The following GLRA3 variants were observed in gnomAD, a reference collection of about 807,000 sequenced individuals.
GLRA3 encodes the protein glycine receptor subunit alpha-3.
In GLRA3, 44 loss-of-function variants were observed where a neutral mutation model predicts 60.4. That is an observed-to-expected ratio of 0.73 (90% CI 0.57 to 0.94). GLRA3 has a LOEUF of 0.94. GLRA3 is among the 40% of genes least tolerant of loss of function. The probability of loss-of-function intolerance (pLI) is 0.00; values close to 1 mark genes in which losing one functional copy is unlikely to be tolerated. For missense variants in GLRA3, 508 were observed against 564.6 expected, an observed-to-expected ratio of 0.90 and a Z score of 1.02; for synonymous variants, 223 against 192.9, an observed-to-expected ratio of 1.16 and a Z score of -1.29.
At chr4:174,760,606 C>T (rs186785911) in intron 3 of GLRA3, among the ~76,000 whole-genome samples, 20 of 152,114 alleles carry the variant, frequency 1.3e-4, no homozygotes, top group East Asian at 1.2e-3. Flanking sequence ...CTGCAAACTC[C>T]GCCTCCTGGG....
intron 5 of GLRA3, among the ~76,000 whole-genome samples, chr4:174,713,253 G>GA (rs1490384577): frequency 6.6e-6 from 1 of 152,074 alleles, no homozygotes; most frequent in Admixed American, 6.6e-5. Context: ...AAAGGGGAAA[G>GA]AAAAGAGGCT....
chr4:174,752,385 G>C (rs1282949994), intron 3 of GLRA3, among the ~76,000 whole-genome samples: 2 of 152,062 alleles, frequency 1.3e-5, no homozygotes, highest in Non-Finnish European at 2.9e-5. Context: ...GCTCAAAGAG[G>C]CACCTGGCTA....
chr4:174,747,472 G>A (rs1737300033), intron 3 of GLRA3, among the ~76,000 whole-genome samples: 1 of 152,126 alleles, frequency 6.6e-6, no homozygotes, highest in Admixed American at 6.6e-5. Flanking sequence ...GCCAATGAAA[G>A]AGCAGAAAAA....
chr4:174,783,581 G>T (rs1738988682), intron 2 of GLRA3, among the ~76,000 whole-genome samples: 1 of 140,750 alleles, frequency 7.1e-6, no homozygotes, highest in Non-Finnish European at 1.6e-5. Context: ...CTGACAAAGG[G>T]CTAATATCCA....
intron 5 of GLRA3, among the ~76,000 whole-genome samples, chr4:174,703,735 C>T (rs1335921897): frequency 6.6e-6 from 1 of 152,152 alleles, no homozygotes; most frequent in African/African-American, 2.4e-5. Context: ...AAATAGAAAA[C>T]TGAGCCTCTG....
chr4:174,693,620 C>T (rs896255468), intron 5 of GLRA3, among the ~76,000 whole-genome samples: 4 of 152,068 alleles, frequency 2.6e-5, no homozygotes, highest in Admixed American at 2.0e-4. Flanking sequence ...TTAGGATTGC[C>T]TTGGCTATTC....
In GLRA3 at chr4:174,829,064, A is replaced by T. The variant is rs1741098734; in HGVS notation, c.-253T>A. On this transcript the variant is annotated 5_prime_UTR_variant, in exon 1 of 10. Coordinates refer to ENST00000274093, the MANE Select transcript of GLRA3 (RefSeq NM_006529.4). ...AAATTACAAAAATGAGTGAGATGAA[A>T]TGTCTGAAGTGCCTAGGTGCTGGGC... The T allele has an allele frequency of 2.3e-6, 1 of 428,842 alleles. No homozygotes were observed. Among genetic ancestry groups the T allele is most frequent in the African/African-American group, 2.0e-5 (1 of 49,788 alleles). 26.6% of individuals were successfully genotyped at this position (428,842 alleles called of 1,614,324 possible). A position where few individuals can be genotyped will look rare whatever the true frequency, so the allele number is the denominator to read the frequency against.
chr4:174,738,867 C>T (rs143867141), intron 3 of GLRA3, among the ~76,000 whole-genome samples: 1,890 of 152,258 alleles, frequency 0.012, 21 homozygotes, highest in Middle Eastern at 0.051. Flanking sequence ...CTCAGCATGC[C>T]ACATAATATA....
intron 1 of GLRA3, among the ~76,000 whole-genome samples, chr4:174,792,096 T>C (rs969297394): frequency 1.3e-5 from 2 of 152,210 alleles, no homozygotes; most frequent in African/African-American, 4.8e-5. Flanking sequence ...CTTTCACTTG[T>C]GTGAGGCCTA....
intron 3 of GLRA3, among the ~76,000 whole-genome samples, chr4:174,743,608 A>T (rs139754477): frequency 2.6e-5 from 4 of 152,252 alleles, no homozygotes; most frequent in African/African-American, 9.6e-5. Context: ...GACCTGTTTC[A>T]TGGGTGATGT....
chr4:174,815,285 C>A (rs1560816067), intron 1 of GLRA3, among the ~76,000 whole-genome samples: 1 of 152,200 alleles, frequency 6.6e-6, no homozygotes, highest in African/African-American at 2.4e-5. Context: ...TATAGCCCCA[C>A]TCCTGGCTGT....
chr4:174,783,846 A>C (rs1739000530), intron 2 of GLRA3, among the ~76,000 whole-genome samples: 1 of 152,194 alleles, frequency 6.6e-6, no homozygotes, highest in South Asian at 2.1e-4. Context: ...ATGTGGAGGA[A>C]TAGGAACACT....
chr4:174,702,896 C>G (rs963833284), intron 5 of GLRA3, among the ~76,000 whole-genome samples: 3 of 152,084 alleles, frequency 2.0e-5, no homozygotes. Context: ...ATAGTGAACC[C>G]TCACATTTAA....
At chr4:174,680,770 T>G (rs1218061750) in intron 6 of GLRA3, among the ~76,000 whole-genome samples, 2 of 152,190 alleles carry the variant, frequency 1.3e-5, no homozygotes, top group Non-Finnish European at 2.9e-5. Flanking sequence ...AATCCTCTAA[T>G]TTTGTGCAAT....
intron 1 of GLRA3, among the ~76,000 whole-genome samples, chr4:174,827,029 T>C (rs539479875): frequency 1.3e-5 from 2 of 152,092 alleles, no homozygotes; most frequent in East Asian, 3.9e-4. Context: ...ATTTGATTTA[T>C]GAATGGAGAA....
intron 1 of GLRA3, among the ~76,000 whole-genome samples, chr4:174,811,185 G>GTTTTT (rs76452779): frequency 8.8e-6 from 1 of 113,954 alleles, no homozygotes. Flanking sequence ...TTCCCCGCCT[G>GTTTTT]TTTTTTTTTT....
intron 4 of GLRA3, among the ~76,000 whole-genome samples, chr4:174,718,447 G>C (rs1736005684): frequency 6.6e-6 from 1 of 152,106 alleles, no homozygotes; most frequent in Non-Finnish European, 1.5e-5. Context: ...TTTAACATTA[G>C]TACTTAGTGA....
At chr4:174,727,717 G>A (rs1034643571) in intron 4 of GLRA3, among the ~76,000 whole-genome samples, 2 of 151,942 alleles carry the variant, frequency 1.3e-5, no homozygotes, top group Admixed American at 6.6e-5. Context: ...AACTGCCAAA[G>A]TTAAGTGAAT....
rs955733641 is a variant in GLRA3 at position 174,638,936 on chromosome 4, G to T, written c.*4850C>A. 1 of 152,030 alleles carries T rather than the reference G, an allele frequency of 6.6e-6. No individual in the cohort carries two copies. Among genetic ancestry groups the T allele is most frequent in the Non-Finnish European group, 1.5e-5 (1 of 68,004 alleles). The allele number at this position is 152,030 out of a possible 1,614,324, so 9.4% of individuals were successfully genotyped here. On this transcript the variant is annotated 3_prime_UTR_variant, in exon 10 of 10. Coordinates refer to ENST00000274093, the MANE Select transcript of GLRA3 (RefSeq NM_006529.4). ...GTAAGGAATTCCAACACATAGCCAGGGTTCAAAATCACTTTTTAAAAATAA... is the reference window on the plus strand; with the variant it reads ...GTAAGGAATTCCAACACATAGCCAGTGTTCAAAATCACTTTTTAAAAATAA...
Sources: allele counts gnomAD v4.1 joint callset (sites outside exome capture counted in the v4.1 genomes callset), GRCh38; gene constraint gnomAD v4.1.1; transcripts MANE v1.5; gene names NCBI Gene and HGNC (gene_info 2026-07-23, HGNC 2026-07-21).